The following GABRA2 variants were observed in gnomAD, a reference collection of about 807,000 sequenced individuals.
The protein encoded by GABRA2 is gamma-aminobutyric acid receptor subunit alpha-2.
A neutral mutation model predicts 48.7 loss-of-function variants in GABRA2; 16 were observed. The ratio of observed to expected loss-of-function variants is 0.33; its 90% CI spans 0.22 to 0.50. The LOEUF (loss-of-function observed/expected upper bound fraction) is 0.50. Among genes scored for constraint, GABRA2 ranks in the 20% least tolerant of loss-of-function variants. The pLI is 0.98. For synonymous variants in GABRA2, 185 were observed against 184.5 expected, an observed-to-expected ratio of 1.00 and a Z score of -0.02; for missense variants, 275 against 535.6, an observed-to-expected ratio of 0.51 and a Z score of 4.80.
chr4:46,265,220 G>T (rs1717882592), intron 8 of GABRA2, among the ~76,000 whole-genome samples: 1 of 149,228 alleles, frequency 6.7e-6, no homozygotes, highest in South Asian at 2.1e-4. Flanking sequence ...ATTTTTAGTA[G>T]AGACAGGGTT....
chr4:46,297,303 C>A (rs2109581441), intron 8 of GABRA2, among the ~76,000 whole-genome samples: 1 of 151,700 alleles, frequency 6.6e-6, no homozygotes, highest in South Asian at 2.1e-4. Context: ...ATTAGACTGG[C>A]TTAGCCTCCT....
At chr4:46,318,601 T>C (rs935971742) in intron 4 of GABRA2, among the ~76,000 whole-genome samples, 1 of 151,568 alleles carries the variant, frequency 6.6e-6, no homozygotes, top group African/African-American at 2.4e-5. Flanking sequence ...AACAGAGTTA[T>C]TACCTGATTT....
intron 4 of GABRA2, among the ~76,000 whole-genome samples, chr4:46,329,313 C>T (rs1417520474): frequency 6.6e-6 from 1 of 152,054 alleles, no homozygotes; most frequent in East Asian, 1.9e-4. Flanking sequence ...GAGGGACACT[C>T]CAATGTAGTC....
chr4:46,291,989 C>T (rs1467171032), intron 8 of GABRA2, among the ~76,000 whole-genome samples: 1 of 151,924 alleles, frequency 6.6e-6, no homozygotes, highest in Non-Finnish European at 1.5e-5. Flanking sequence ...GAGGACTATA[C>T]TTCTAATAGT....
At chr4:46,337,518 T>A (rs1278250339) in intron 3 of GABRA2, among the ~76,000 whole-genome samples, 1 of 151,978 alleles carries the variant, frequency 6.6e-6, no homozygotes, top group Non-Finnish European at 1.5e-5. Context: ...CTGAAAGACT[T>A]TGGCTTGGAG....
At chr4:46,323,891 C>T (rs890768015) in intron 4 of GABRA2, among the ~76,000 whole-genome samples, 1 of 151,688 alleles carries the variant, frequency 6.6e-6, no homozygotes, top group Admixed American at 6.6e-5. Context: ...AGGAGGTAAG[C>T]ATAACAAGAA....
rs186852238 is a variant in GABRA2, at chr4:46,280,593, C to A, written c.857-18465G>T. The stretch of plus-strand genomic sequence containing the variant: ...ATCTGACCTACATTTTGAAAGGATC[C>A]TTCTGACTGCTATGTTGGGCATAGA... On this transcript the variant is annotated intron_variant, in intron 8 of 9. Coordinates refer to ENST00000381620, the MANE Select transcript of GABRA2 (RefSeq NM_000807.4). Among the ~76,000 whole-genome samples, 30 of 152,220 alleles carry A rather than the reference C, an allele frequency of 2.0e-4. No individual in the cohort carries two copies. In the East Asian group the frequency reaches 4.6e-3, roughly 24 times the overall value.
At chr4:46,330,849 ACT>A (rs1731231511) in intron 4 of GABRA2, among the ~76,000 whole-genome samples, 1 of 151,892 alleles carries the variant, frequency 6.6e-6, no homozygotes, top group Non-Finnish European at 1.5e-5. Context: ...CAAAATTCTG[ACT>A]CTACTTGATT....
At chr4:46,272,269 AGT>A (rs1406528598) in intron 8 of GABRA2, among the ~76,000 whole-genome samples, 3 of 151,944 alleles carry the variant, frequency 2.0e-5, no homozygotes, top group African/African-American at 4.8e-5. Context: ...GATTAGAGCC[AGT>A]GTGTCTTCTC....
rs372091135 is a variant in GABRA2 at position 46,376,374 on chromosome 4, G to T, written c.187+9700C>A. 7.9e-5 allele frequency among the ~76,000 whole-genome samples: 12 copies of T among 152,210 alleles called. No homozygotes were observed. In the East Asian group the frequency reaches 1.4e-3, roughly 17 times the overall value. On this transcript the variant is annotated intron_variant, in intron 3 of 9. Transcript: ENST00000381620. ...TCCAATTTATCCACTGTGTATTAAGGGGGAGAGAAACAAAAACTTTGACTG... is the reference window on the plus strand; with the variant it reads ...TCCAATTTATCCACTGTGTATTAAGTGGGAGAGAAACAAAAACTTTGACTG...
At chr4:46,371,289 A>T (rs182159591) in intron 3 of GABRA2, among the ~76,000 whole-genome samples, 290 of 152,296 alleles carry the variant, frequency 1.9e-3, no homozygotes, top group Non-Finnish European at 3.1e-3. Flanking sequence ...TATCTCTCCA[A>T]AGGGTAAATT....
intron 9 of GABRA2, among the ~76,000 whole-genome samples, chr4:46,259,016 A>T (rs1716420641): frequency 6.6e-6 from 1 of 151,926 alleles, no homozygotes; most frequent in African/African-American, 2.4e-5. Flanking sequence ...TAGGATTAGA[A>T]AGTTTTCTTC....
intron 3 of GABRA2, among the ~76,000 whole-genome samples, chr4:46,375,963 T>G (rs1020243444): frequency 6.6e-6 from 1 of 152,228 alleles, no homozygotes; most frequent in Admixed American, 6.5e-5. Flanking sequence ...AATCATTTCC[T>G]ACTTCTCTAA....
intron 8 of GABRA2, among the ~76,000 whole-genome samples, chr4:46,285,897 C>T (rs944140251): frequency 6.6e-6 from 1 of 151,864 alleles, no homozygotes; most frequent in Non-Finnish European, 1.5e-5. Flanking sequence ...TCCTGGGATG[C>T]CCTTGGAATA....
At chr4:46,355,158 A>G (rs999995346) in intron 3 of GABRA2, among the ~76,000 whole-genome samples, 1 of 152,162 alleles carries the variant, frequency 6.6e-6, no homozygotes, top group Non-Finnish European at 1.5e-5. Context: ...CTAAAAATTT[A>G]TATTAAATGC....
intron 3 of GABRA2, among the ~76,000 whole-genome samples, chr4:46,371,655 T>C (rs1714912009): frequency 6.6e-6 from 1 of 152,114 alleles, no homozygotes. Flanking sequence ...ATAGAGAAAT[T>C]GCATTTAATA....
At chr4:46,300,960 T>C (rs1725633963) in intron 8 of GABRA2, among the ~76,000 whole-genome samples, 1 of 152,140 alleles carries the variant, frequency 6.6e-6, no homozygotes, top group South Asian at 2.1e-4. Context: ...TGCAAATATG[T>C]CATATCTTTC....
intron 8 of GABRA2, among the ~76,000 whole-genome samples, chr4:46,262,979 G>T (rs572218997): frequency 1.4e-5 from 2 of 147,278 alleles, no homozygotes; most frequent in Non-Finnish European, 3.0e-5. Flanking sequence ...AGAGAGAGAG[G>T]GAGGGAGGGA....
rs914412172 is a variant in GABRA2 at position 46,244,715 on chromosome 4, C to T, written c.*5593G>A. Among the ~76,000 whole-genome samples the T allele has an allele frequency of 2.6e-5, 4 of 151,426 alleles. No homozygotes were observed. The highest frequency in any genetic ancestry group is 7.3e-5 in the African/African-American group (3 of 41,356). On this transcript the variant is annotated 3_prime_UTR_variant, in exon 10 of 10. Coordinates refer to ENST00000381620, the MANE Select transcript of GABRA2 (RefSeq NM_000807.4). ...GAAAAAAAAGGAAATGAAGGAAGTG[C>T]TTACTTTTGCTTAATCAACATTAAT...
Sources: gnomAD v4.1 joint callset for allele counts (sites outside exome capture counted in the v4.1 genomes callset) on GRCh38, gnomAD v4.1.1 for gene constraint, MANE v1.5 for transcripts, NCBI Gene and HGNC (gene_info 2026-07-23, HGNC 2026-07-21) for gene names.